The following TP53I13 variants were observed in gnomAD, a reference collection of about 807,000 sequenced individuals.
TP53I13 encodes the protein tumor protein p53 inducible protein 13, also known as tumor protein p53-inducible protein 13.
TP53I13 carries 27 observed loss-of-function variants against 39.1 expected under a neutral mutation model. The observed-to-expected ratio is 0.69, with a 90% confidence interval of 0.51 to 0.95. The LOEUF (loss-of-function observed/expected upper bound fraction) is 0.95, where lower values mean the gene tolerates loss of function less well. Among genes scored for constraint, TP53I13 ranks in the 40% least tolerant of loss-of-function variants. The pLI is 0.00. For synonymous variants in TP53I13, 230 were observed against 224.6 expected (o/e 1.02, Z -0.22); for missense variants, 544 against 520.4 (o/e 1.05, Z -0.44).
At chr17:29,578,458 G>C in the TP53I13 span, 1 of 1,267,596 alleles carries the variant, frequency 7.9e-7, no homozygotes, top group Non-Finnish European at 1.2e-6. Context: ...GAGCCTTGGG[G>C]AACCGGTGGC....
At chr17:29,571,371 G>A in intron 3 of TP53I13, 2 of 577,330 alleles carry the variant, frequency 3.5e-6, no homozygotes, top group East Asian at 5.9e-5. Context: ...GAGCTTTGAA[G>A]GGTGGCACTT....
At chr17:29,581,391 A>G in the TP53I13 span, 1 of 1,610,614 alleles carries the variant, frequency 6.2e-7, no homozygotes, top group Non-Finnish European at 8.5e-7. The surrounding 1 kb of genome is among the most constrained non-coding windows in gnomAD (Gnocchi z 4.8). Flanking sequence ...CTGAACAAAA[A>G]TAAAAATGCC....
chr17:29,568,655 G>A (rs1438129778), upstream of TP53I13: 2 of 743,472 alleles, frequency 2.7e-6, no homozygotes, highest in East Asian at 2.0e-4. This position sits in a 1 kb window ranked among gnomAD's most constrained non-coding sequence, Gnocchi z 4.5. Flanking sequence ...GGACGCGCGG[G>A]CGGCGCGGGC....
intron 3 of TP53I13, chr17:29,570,092 A>G (rs2032868574): frequency 6.6e-6 from 1 of 150,988 alleles, no homozygotes; most frequent in African/African-American, 2.4e-5. Context: ...TTTTTAGTAG[A>G]GACGAGGTTT....
the TP53I13 span, chr17:29,578,288 C>T: frequency 1.2e-6 from 2 of 1,610,634 alleles, no homozygotes; most frequent in Non-Finnish European, 1.7e-6. Context: ...CACTCCTGCT[C>T]CCTGACTCAC....
At chr17:29,569,434 T>G in intron 3 of TP53I13, 75 bp downstream of exon 3, 2 of 1,464,642 alleles carry the variant, frequency 1.4e-6, no homozygotes, top group East Asian at 2.3e-5. Context: ...CTTCGCTGCC[T>G]GTTCTGCTGA....
chr17:29,569,059 C>A lies in TP53I13; in HGVS notation c.114C>A (p.Pro38=). ...CGGAGGAGGCGGGAGCCCATTGTCC[C>A]GAGAGCCTGTGGCCTCTGCCTCCGC... ...GPAEEAGAHC[P]ESLWPLPPQV... is the part of the protein sequence containing the mutation. Residue 38 remains proline (P), a synonymous_variant, in exon 2 of 7, where the codon CCC becomes CCA. Transcript: ENST00000301057. 6.2e-7 allele frequency: 1 copy of A among 1,604,292 alleles called. No homozygotes were observed. Among genetic ancestry groups the A allele is most frequent in the East Asian group, 2.3e-5 (1 of 44,324 alleles).
At chr17:29,576,740 T>G, downstream of TP53I13, 1 of 1,599,636 alleles carries the variant, frequency 6.3e-7, no homozygotes, top group Non-Finnish European at 8.5e-7. Flanking sequence ...CAGGGGGCAG[T>G]TATTGAGGCT....
At chr17:29,582,163 G>A in the TP53I13 span, 8 of 1,528,042 alleles carry the variant, frequency 5.2e-6, no homozygotes, top group Non-Finnish European at 6.2e-6. Flanking sequence ...AGCAGAGTGT[G>A]CAGTGAATAC....
chr17:29,575,025 G>A (rs770691458), downstream of TP53I13: 13 of 1,488,798 alleles, frequency 8.7e-6, no homozygotes, highest in South Asian at 1.2e-5. The surrounding 1 kb of genome is among the most constrained non-coding windows in gnomAD (Gnocchi z 5.5). Flanking sequence ...GATTCTCCAC[G>A]CCTGCCCCAG....
At chr17:29,577,609 G>A (rs1303258306), downstream of TP53I13, 1 of 1,363,004 alleles carries the variant, frequency 7.3e-7, no homozygotes, top group South Asian at 1.2e-5. Flanking sequence ...CGGGGATGAA[G>A]TAGACCACCC....
rs1433023777 is a variant in TP53I13, at chr17:29,572,411, C to T, written c.783C>T (p.Gly261=). ...TVSLLPGAPG[G]NASSRTEAQV... ...CCCTGCTGCCGGGGGCGCCTGGAGG[C>T]AATGCCAGCTCCAGGACAGAGGCTC... Residue 261 remains glycine (G), a synonymous_variant, in exon 6 of 7, where the codon GGC becomes GGT. Coordinates refer to ENST00000301057, the MANE Select transcript of TP53I13 (RefSeq NM_138349.4). 6.3e-7 allele frequency: 1 copy of T among 1,591,376 alleles called. No individual in the cohort carries two copies. The highest frequency in any genetic ancestry group is 1.1e-5 in the South Asian group (1 of 88,964).
At chr17:29,566,531 G>A (rs902599456), upstream of TP53I13, 5 of 1,610,684 alleles carry the variant, frequency 3.1e-6, no homozygotes, top group African/African-American at 2.7e-5. Context: ...CGGCGGCCCC[G>A]AACACAAGGT....
At position 29,571,863 on chromosome 17, in the gene TP53I13, G is replaced by A; in HGVS notation, c.319G>A (p.Val107Met). 2 of 1,613,284 alleles carry A rather than the reference G, an allele frequency of 1.2e-6. No homozygotes were observed. Among genetic ancestry groups the A allele is most frequent in the South Asian group, 1.1e-5 (1 of 91,090 alleles). The change falls in exon 5 of 7, where the codon GTG becomes ATG. Residue 107 changes from valine to methionine, a missense_variant. Coordinates refer to ENST00000301057, the MANE Select transcript of TP53I13 (RefSeq NM_138349.4). ...CAGTTACCTCCTCTCGTAGCCCCTG[G>A]TGCTGACTGCATGGGGGCTGGCGCT... ...DFSLTQDRPL[V>M]LTAWGLALEM...
Position 29,572,019 on chromosome 17 carries a change from C to T in TP53I13, c.475C>T (p.Pro159Ser), listed in dbSNP as rs373056936. 3.2e-5 allele frequency: 51 copies of T among 1,613,198 alleles called. No homozygotes were observed. The South Asian group carries it at 5.5e-4, about 17-fold the overall frequency. Residue 159 changes from proline to serine, a missense_variant, in exon 5 of 7, where the codon CCC (proline) becomes TCC (serine). Coordinates refer to ENST00000301057, the MANE Select transcript of TP53I13 (RefSeq NM_138349.4). ...AGGGCCTGCTCCCTCCGAGCCAACT[C>T]CCGGTAGAGGGAGGCTGTGCCGAAG... is the stretch of plus-strand genomic sequence containing the variant. ...LSGPAPSEPT[P>S]GRGRLCRRGC...
At chr17:29,578,237 C>G in the TP53I13 span, 3 of 1,341,480 alleles carry the variant, frequency 2.2e-6, no homozygotes, top group African/African-American at 4.3e-5. Flanking sequence ...AGTAAAGGAC[C>G]AGAGACCCAT....
Position 29,572,518 on chromosome 17 carries a change from C to G in TP53I13, c.890C>G (p.Pro297Arg). The change falls in exon 6 of 7, where the codon CCA (proline) becomes CGA (arginine). Residue 297 changes from proline to arginine, a missense_variant. Pro to Arg is a moderately radical substitution (Grantham distance 103). Transcript: ENST00000301057. ...CCGGCCCCTCGCGCAGCAGCGCCTC[C>G]ACGGGCAGCCCGGGGCCCCACCCCA... ...ASPAPRAAAP[P>R]RAARGPTPRT... The G allele has an allele frequency of 1.9e-6, 3 of 1,607,628 alleles. No homozygotes were observed. The highest frequency in any genetic ancestry group is 2.5e-6 in the Non-Finnish European group (3 of 1,177,350).
chr17:29,569,673 G>C (rs1243117107), intron 3 of TP53I13: 2 of 317,380 alleles, frequency 6.3e-6, no homozygotes, highest in East Asian at 5.9e-5. Context: ...CCAGGCTCCA[G>C]CTCCCTGAGG....
upstream of TP53I13, chr17:29,567,078 G>T (rs1598546617): frequency 6.3e-6 from 6 of 945,596 alleles, no homozygotes; most frequent in Non-Finnish European, 1.3e-6. This position sits in a 1 kb window ranked among gnomAD's most constrained non-coding sequence, Gnocchi z 6.6. Context: ...GGGCCCTCCC[G>T]CGCGGGCGCG....
Sources: gnomAD v4.1 joint callset for allele counts on GRCh38, gnomAD v4.1.1 for gene constraint, Gnocchi (gnomAD v3.1) non-coding constraint, MANE v1.5 for transcripts, NCBI Gene and HGNC (gene_info 2026-07-23, HGNC 2026-07-21) for gene names.